The following NOTO variants were observed in gnomAD, a reference collection of about 807,000 sequenced individuals.
NOTO encodes homeobox protein notochord.
In NOTO, 19 loss-of-function variants were observed where a neutral mutation model predicts 20.5. The ratio of observed to expected loss-of-function variants is 0.93; its 90% CI spans 0.65 to 1.36. The LOEUF is 1.36. Ranked by LOEUF, NOTO falls within the 40% of genes most tolerant of loss-of-function variation. The pLI is 0.00. For missense variants in NOTO, 369 were observed against 336.2 expected (o/e 1.10, Z -0.76); for synonymous variants, 150 against 150.2 (o/e 1.00, Z 0.01).
In NOTO at chr2:73,208,582, C is replaced by G; in HGVS notation, c.565C>G (p.Leu189Val). ...TCTGGTGGGGAAGAAGAGAGCCCAG[C>G]TGGCAGCTCGGCTCAAACTTACAGA... ...HNLVGKKRAQLAARLKLTENQ... is the reference protein window; with the variant it reads ...HNLVGKKRAQVAARLKLTENQ... Residue 189 changes from leucine to valine, a missense_variant, in exon 2 of 3, where the codon CTG becomes GTG. By Grantham distance (32) the Leu-to-Val change is conservative. Coordinates refer to ENST00000398468, the MANE Select transcript of NOTO (RefSeq NM_001134462.2). 1 of 1,551,366 alleles carries G rather than the reference C, an allele frequency of 6.4e-7. No individual in the cohort carries two copies.
chr2:73,210,438 T>G (rs1265298253), intron 2 of NOTO, among the ~76,000 whole-genome samples: 1 of 152,190 alleles, frequency 6.6e-6, no homozygotes, highest in Non-Finnish European at 1.5e-5. Context: ...TGTACCCCCT[T>G]TTGTGTTTAC....
intron 1 of NOTO, 122 bp from the exon 2 acceptor site, chr2:73,208,277 AG>A: frequency 1.6e-6 from 1 of 644,020 alleles, no homozygotes; most frequent in Non-Finnish European, 2.8e-6. Flanking sequence ...TACCTGGCCA[AG>A]GGGAAGGCAA....
At chr2:73,207,070 C>T (rs1686097859) in intron 1 of NOTO, among the ~76,000 whole-genome samples, 1 of 152,138 alleles carries the variant, frequency 6.6e-6, no homozygotes. Context: ...GCTGGGATTA[C>T]AGGTATAAGC....
chr2:73,206,576 C>T (rs1558547509), intron 1 of NOTO, among the ~76,000 whole-genome samples: 2 of 151,746 alleles, frequency 1.3e-5, no homozygotes, highest in African/African-American at 2.4e-5. Context: ...TGGGCTCAAG[C>T]GATGGGCCCA....
chr2:73,210,401 G>C (rs571229590), intron 2 of NOTO, among the ~76,000 whole-genome samples: 179 of 152,314 alleles, frequency 1.2e-3, no homozygotes, highest in African/African-American at 4.2e-3. Context: ...GCTCCTTAGG[G>C]AGGCCTCCTC....
intron 1 of NOTO, 39 bp from the exon 2 acceptor site, chr2:73,208,361 G>C (rs1451281973): frequency 3.5e-6 from 5 of 1,441,150 alleles, no homozygotes. Context: ...AACCTCCCCT[G>C]CTGCTGGATA....
intron 1 of NOTO, among the ~76,000 whole-genome samples, chr2:73,207,678 C>T (rs1558547779): frequency 1.3e-5 from 2 of 152,104 alleles, no homozygotes; most frequent in Non-Finnish European, 2.9e-5. Context: ...CCTCAGCCTC[C>T]TGAGTAGCTG....
Position 73,203,006 on chromosome 2 carries a change from C to A in NOTO, c.340C>A (p.Arg114Ser). 1 of 1,432,188 alleles carries A rather than the reference C, an allele frequency of 7.0e-7. No individual in the cohort carries two copies. 88.7% of individuals were successfully genotyped at this position (1,432,188 alleles called of 1,614,324 possible). The change falls in exon 1 of 3, where the codon CGC (arginine) becomes AGC (serine). Residue 114 changes from arginine (R) to serine (S), a missense_variant. Physicochemically the swap from Arg to Ser is moderately radical, Grantham distance 110. Coordinates refer to ENST00000398468, the MANE Select transcript of NOTO (RefSeq NM_001134462.2). The stretch of plus-strand genomic sequence containing the variant: ...AGGTTTTTACCCTGTGCCAGGGCCG[C>A]GCGTGGCTCCCGTCTGCGGCCTGCT... ...SVGFYPVPGP[R>S]VAPVCGLLGF...
Position 73,212,319 on chromosome 2 carries a change from C to T in NOTO, c.*1390C>T, listed in dbSNP as rs766541713. 2.6e-5 allele frequency: 4 copies of T among 152,154 alleles called. No individual in the cohort carries two copies. Among genetic ancestry groups the T allele is most frequent in the Middle Eastern group, 3.2e-3 (1 of 316 alleles). 9.4% of individuals were successfully genotyped at this position (152,154 alleles called of 1,614,324 possible). A position where few individuals can be genotyped will look rare whatever the true frequency, so the allele number is the denominator to read the frequency against. On this transcript the variant is annotated 3_prime_UTR_variant, in exon 3 of 3. Coordinates refer to ENST00000398468, the MANE Select transcript of NOTO (RefSeq NM_001134462.2). ...GACACCACGCCTGGCTAATTTTTAACATTTTTTGTAGAGACAACGTCCACT... is the reference window on the plus strand; with the variant it reads ...GACACCACGCCTGGCTAATTTTTAATATTTTTTGTAGAGACAACGTCCACT...
intron 1 of NOTO, among the ~76,000 whole-genome samples, chr2:73,207,615 C>T (rs1686107268): frequency 6.6e-6 from 1 of 152,080 alleles, no homozygotes; most frequent in South Asian, 2.1e-4. Flanking sequence ...GTAGAGTGGG[C>T]TCTATCTTGG....
Position 73,202,724 on chromosome 2 carries a change from C to A in NOTO, c.58C>A (p.Arg20=). 6.6e-7 allele frequency: 1 copy of A among 1,519,284 alleles called. No individual in the cohort carries two copies. The highest frequency in any genetic ancestry group is 8.8e-7 in the Non-Finnish European group (1 of 1,139,666). 94.1% of individuals were successfully genotyped at this position (1,519,284 alleles called of 1,614,324 possible). A position where few individuals can be genotyped will look rare whatever the true frequency, so the allele number is the denominator to read the frequency against. ...PPPAPSGSRV[R]PPRSGRSPAP... is the part of the protein sequence containing the mutation. The stretch of plus-strand genomic sequence containing the variant: ...ACCCGCTCCCTCGGGCTCTCGGGTC[C>A]GACCTCCGCGCTCTGGCCGCTCTCC... Residue 20 remains arginine, a synonymous_variant, in exon 1 of 3, where the codon CGA becomes AGA. Coordinates refer to ENST00000398468, the MANE Select transcript of NOTO (RefSeq NM_001134462.2).
intron 1 of NOTO, among the ~76,000 whole-genome samples, chr2:73,206,232 C>T (rs1686086477): frequency 1.3e-5 from 2 of 152,214 alleles, no homozygotes; most frequent in African/African-American, 4.8e-5. Context: ...CCCTCTTCCC[C>T]ATTGGATTAT....
intron 2 of NOTO, 44 bp downstream of exon 2, chr2:73,208,658 C>A (rs57038990): frequency 0.28 from 352,415 of 1,247,778 alleles, 50,993 homozygotes; most frequent in African/African-American, 0.38. Flanking sequence ...CACCTGGGGA[C>A]AAACACTACC....
chr2:73,208,772 GAAAA>G (rs571978087), intron 2 of NOTO, among the ~76,000 whole-genome samples, 158 bp downstream of exon 2: 1 of 147,258 alleles, frequency 6.8e-6, no homozygotes. Flanking sequence ...TCTATATAAT[GAAAA>G]AAAAAAGTCC....
At position 73,203,058 on chromosome 2, in the gene NOTO, T is replaced by C. The variant is rs1686029117; in HGVS notation, c.382+10T>C. On this transcript the variant is annotated intron_variant, in intron 1 of 2. Transcript: ENST00000398468. ...GGCTTCGGCGTCACAGGTACTGCGG[T>C]CCCGGCGCCCGCACGCGGGGGACTG... 7.3e-7 allele frequency: 1 copy of C among 1,373,166 alleles called. No individual in the cohort carries two copies. The highest frequency in any genetic ancestry group is 9.4e-7 in the Non-Finnish European group (1 of 1,069,014). 85.1% of individuals were successfully genotyped at this position (1,373,166 alleles called of 1,614,324 possible). A position where few individuals can be genotyped will look rare whatever the true frequency, so the allele number is the denominator to read the frequency against.
chr2:73,206,487 C>T (rs1447483518), intron 1 of NOTO, among the ~76,000 whole-genome samples: 4 of 152,076 alleles, frequency 2.6e-5, no homozygotes, highest in Non-Finnish European at 4.4e-5. Flanking sequence ...TACAGTTGTG[C>T]ACCACCACAC....
rs140903520 is a variant in NOTO at position 73,207,353 on chromosome 2, G to A, written c.383-1047G>A. Among the ~76,000 whole-genome samples the A allele has an allele frequency of 7.8e-4, 119 of 152,236 alleles. 1 individual carries two copies. Among genetic ancestry groups the A allele is most frequent in the Non-Finnish European group, 1.3e-3 (90 of 68,018 alleles). ...GCCCTGAGGACTCCCCAAGGCTAGT[G>A]GGGGCTGAGTGGCCTTAGCATTATG... is the stretch of plus-strand genomic sequence containing the variant. On this transcript the variant is annotated intron_variant, in intron 1 of 2. Transcript: ENST00000398468.
In NOTO at chr2:73,210,857, C is replaced by T; in HGVS notation, c.684C>T (p.Ser228=). Reference sequence around the variant, plus strand: ...CAGTTACATCTGCCGAGGCTGCCTCCCTGGATGAGCCTTCCAGCAGCTCCA... The same window carrying T: ...CAGTTACATCTGCCGAGGCTGCCTCTCTGGATGAGCCTTCCAGCAGCTCCA... ...RAAVTSAEAA[S]LDEPSSSSIA... The change falls in exon 3 of 3, where the codon TCC becomes TCT. Residue 228 remains serine (S), a synonymous_variant. Coordinates refer to ENST00000398468, the MANE Select transcript of NOTO (RefSeq NM_001134462.2). 6.4e-7 allele frequency: 1 copy of T among 1,551,596 alleles called. No individual in the cohort carries two copies. The highest frequency in any genetic ancestry group is 1.4e-5 in the African/African-American group (1 of 73,158).
rs112634793 is a variant in NOTO, at chr2:73,210,815, G to A, written c.642G>A (p.Gln214=). 674 of 1,551,502 alleles carry A rather than the reference G, an allele frequency of 4.3e-4. 1 individual carries two copies. The highest frequency in any genetic ancestry group is 5.5e-4 in the Non-Finnish European group (634 of 1,146,944). Residue 214 remains glutamine (Q), a synonymous_variant, in exon 3 of 3, where the codon CAG becomes CAA. Coordinates refer to ENST00000398468, the MANE Select transcript of NOTO (RefSeq NM_001134462.2). The part of the protein sequence containing the change: ...FQNRRVKYQK[Q]QKLRAAVTSA... ...ACCGCAGGGTCAAGTATCAGAAGCA[G>A]CAAAAGCTGAGGGCAGCAGTTACAT...
Sources: gnomAD v4.1 joint callset for allele counts (sites outside exome capture counted in the v4.1 genomes callset) on GRCh38, gnomAD v4.1.1 for gene constraint, MANE v1.5 for transcripts, NCBI Gene and HGNC (gene_info 2026-07-23, HGNC 2026-07-21) for gene names.